The following SRGAP2 variants were observed in gnomAD, a reference collection of about 807,000 sequenced individuals.
SRGAP2 encodes SLIT-ROBO Rho GTPase activating protein 2.
In SRGAP2, 15 loss-of-function variants were observed where a neutral mutation model predicts 57.2. That is an observed-to-expected ratio of 0.26 (90% CI 0.18 to 0.40). The LOEUF (loss-of-function observed/expected upper bound fraction) is 0.40, where lower values mean the gene tolerates loss of function less well. Ranked by LOEUF, SRGAP2 falls within the 10% of genes least tolerant of loss-of-function variation. The probability of loss-of-function intolerance (pLI) is 1.00; values close to 1 mark genes in which losing one functional copy is unlikely to be tolerated. For missense variants in SRGAP2, 520 were observed against 669.6 expected (o/e 0.78, Z 2.47); for synonymous variants, 249 against 248.0 (o/e 1.00, Z -0.04).
At chr1:206,382,420 AC>A (rs1655783266) in intron 4 of SRGAP2, among the ~76,000 whole-genome samples, 1 of 149,218 alleles carries the variant, frequency 6.7e-6, no homozygotes, top group African/African-American at 2.4e-5. Context: ...AATGGGAGCT[AC>A]ATCAATAGAA....
intron 15 of SRGAP2, 65 bp from the exon 16 acceptor site, chr1:206,437,899 G>A (rs371825337): frequency 3.5e-5 from 27 of 772,052 alleles, no homozygotes; most frequent in African/African-American, 6.8e-5. Context: ...CCTTCCCCAC[G>A]TTCGTCCTGT....
At chr1:206,268,356 C>T (rs1316029080) in intron 2 of SRGAP2, among the ~76,000 whole-genome samples, 3 of 144,078 alleles carry the variant, frequency 2.1e-5, no homozygotes, top group Non-Finnish European at 4.5e-5. Flanking sequence ...TTTTTCCTTG[C>T]GATAGTTTGC....
chr1:206,257,737 T>C (rs1178110964), intron 2 of SRGAP2, among the ~76,000 whole-genome samples: 3 of 117,766 alleles, frequency 2.5e-5, no homozygotes, highest in Admixed American at 1.7e-4. Context: ...AAGCAGACTA[T>C]ATATATACAT....
chr1:206,448,715 C>G (rs959340896), intron 18 of SRGAP2, among the ~76,000 whole-genome samples: 2 of 152,058 alleles, frequency 1.3e-5, no homozygotes, highest in Admixed American at 6.5e-5. Flanking sequence ...AAACTTGAAG[C>G]CCTGAGGGAA....
intron 4 of SRGAP2, among the ~76,000 whole-genome samples, chr1:206,369,014 TATC>T (rs1654283188): frequency 1.3e-5 from 2 of 152,136 alleles, no homozygotes; most frequent in South Asian, 4.1e-4. Context: ...TGGAAGATAC[TATC>T]ATCCTAGACC....
intron 1 of SRGAP2, 139 bp downstream of exon 1, chr1:206,203,789 C>T (rs1665564390): frequency 6.5e-7 from 1 of 1,529,312 alleles, no homozygotes. Flanking sequence ...GCCCGGAATC[C>T]CTCAGACCGC....
intron 11 of SRGAP2, among the ~76,000 whole-genome samples, chr1:206,417,519 G>C (rs1659845634): frequency 6.7e-6 from 1 of 149,136 alleles, no homozygotes; most frequent in Non-Finnish European, 1.5e-5. Context: ...CCAGGTTAAA[G>C]CAATTCTACC....
chr1:206,414,029 CTTTCTTTTT>C (rs1406590439), intron 10 of SRGAP2, among the ~76,000 whole-genome samples: 1 of 145,152 alleles, frequency 6.9e-6, no homozygotes, highest in Non-Finnish European at 1.5e-5. Context: ...TTTTCTTTTT[CTTTCTTTTT>C]TTTTTTTTTT....
intron 17 of SRGAP2, among the ~76,000 whole-genome samples, chr1:206,440,378 A>G (rs1422340458): frequency 1.3e-5 from 2 of 152,048 alleles, no homozygotes; most frequent in Non-Finnish European, 2.9e-5. Flanking sequence ...AGGGGTCTGA[A>G]TGAAAGGAGG....
intron 14 of SRGAP2, among the ~76,000 whole-genome samples, chr1:206,435,898 G>A (rs782297941): frequency 1.3e-5 from 2 of 151,902 alleles, no homozygotes; most frequent in African/African-American, 2.4e-5. Flanking sequence ...AGAAATTCTT[G>A]TGCACATTAT....
rs1664391187 is a variant in SRGAP2, at chr1:206,463,559, G to C, written c.*2139G>C. ...AAAGCTTTCTTAATGGCAACACTTT[G>C]GGCCTGTTCTGTTGCTCCTGCCTTA... On this transcript the variant is annotated 3_prime_UTR_variant, in exon 23 of 23. Transcript: ENST00000573034. The C allele has an allele frequency of 6.6e-6, 1 of 152,610 alleles. No homozygotes were observed. The highest frequency in any genetic ancestry group is 2.1e-4 in the South Asian group (1 of 4,822). 9.5% of individuals were successfully genotyped at this position (152,610 alleles called of 1,614,324 possible).
chr1:206,239,369 C>T (rs1453819620), intron 2 of SRGAP2, among the ~76,000 whole-genome samples: 1 of 150,564 alleles, frequency 6.6e-6, no homozygotes, highest in East Asian at 2.0e-4. Flanking sequence ...TTCTTTAGTC[C>T]CCCTTCCCCA....
chr1:206,459,589 C>T (rs1293083136), intron 22 of SRGAP2, among the ~76,000 whole-genome samples: 1 of 152,148 alleles, frequency 6.6e-6, no homozygotes, highest in Non-Finnish European at 1.5e-5. Flanking sequence ...TATTAGAGAT[C>T]CAACCCCACC....
chr1:206,443,161 T>C (rs1439303762), intron 17 of SRGAP2, among the ~76,000 whole-genome samples: 2 of 152,226 alleles, frequency 1.3e-5, no homozygotes, highest in South Asian at 2.1e-4. Flanking sequence ...ACCACAATGC[T>C]GAACCTTTTT....
intron 2 of SRGAP2, among the ~76,000 whole-genome samples, chr1:206,296,499 G>C (rs1166411422): frequency 7.3e-5 from 11 of 151,408 alleles, no homozygotes; most frequent in African/African-American, 2.4e-4. Flanking sequence ...GCACAATCAC[G>C]GCTCACTGTG....
intron 13 of SRGAP2, among the ~76,000 whole-genome samples, chr1:206,424,054 A>G (rs1660578993): frequency 6.6e-6 from 1 of 150,830 alleles, no homozygotes; most frequent in Non-Finnish European, 1.5e-5. Context: ...CGGCCTCCCA[A>G]AGTGCTGGGA....
intron 18 of SRGAP2, among the ~76,000 whole-genome samples, chr1:206,447,906 C>T (rs1245258495): frequency 7.1e-6 from 1 of 141,352 alleles, no homozygotes; most frequent in African/African-American, 2.5e-5. Context: ...AGATAGTCTC[C>T]CAACCTACCC....
intron 2 of SRGAP2, among the ~76,000 whole-genome samples, chr1:206,218,128 G>A (rs549949185): frequency 3.3e-5 from 5 of 152,286 alleles, no homozygotes; most frequent in Admixed American, 6.5e-5. Context: ...GGCCAACATG[G>A]TGAAACCCTG....
intron 2 of SRGAP2, among the ~76,000 whole-genome samples, chr1:206,260,386 T>A (rs1273450972): frequency 2.0e-5 from 3 of 151,822 alleles, no homozygotes; most frequent in Admixed American, 6.6e-5. Context: ...TGAAAAAAAA[T>A]TTTTTTGAAA....
Sources: gnomAD v4.1 joint callset for allele counts (sites outside exome capture counted in the v4.1 genomes callset) on GRCh38, gnomAD v4.1.1 for gene constraint, MANE v1.5 for transcripts, NCBI Gene and HGNC (gene_info 2026-07-23, HGNC 2026-07-21) for gene names.